The following AJAP1 variants were observed in gnomAD, a reference collection of about 807,000 sequenced individuals.
The protein encoded by AJAP1 is adherens junctions associated protein 1, also known as adherens junction-associated protein 1.
In AJAP1, 5 loss-of-function variants were observed where a neutral mutation model predicts 35.0. That is an observed-to-expected ratio of 0.14 (90% CI 0.07 to 0.30). The LOEUF (loss-of-function observed/expected upper bound fraction) is 0.30. AJAP1 is among the 10% of genes least tolerant of loss of function. The pLI, the probability that AJAP1 is intolerant of heterozygous loss-of-function variation, is 1.00. For synonymous variants in AJAP1, 284 were observed against 249.3 expected (o/e 1.14, Z -1.31); for missense variants, 586 against 571.0 (o/e 1.03, Z -0.27).
chr1:4,701,890 C>G (rs1639996866), intron 1 of AJAP1, among the ~76,000 whole-genome samples: 1 of 152,212 alleles, frequency 6.6e-6, no homozygotes. Flanking sequence ...ATGTCCCTCC[C>G]CACAGGGCAC....
At chr1:4,710,189 C>T (rs1640197503) in intron 1 of AJAP1, among the ~76,000 whole-genome samples, 1 of 152,098 alleles carries the variant, frequency 6.6e-6, no homozygotes, top group African/African-American at 2.4e-5. Flanking sequence ...CACAGGAACG[C>T]ACAGATACAC....
intron 2 of AJAP1, among the ~76,000 whole-genome samples, chr1:4,738,225 C>T (rs1235517530): frequency 6.6e-6 from 1 of 152,254 alleles, no homozygotes; most frequent in Non-Finnish European, 1.5e-5. Flanking sequence ...GCATGATCAA[C>T]ACAACAGGGG....
intron 1 of AJAP1, among the ~76,000 whole-genome samples, chr1:4,689,241 C>T (rs1375668035): frequency 3.3e-5 from 5 of 152,218 alleles, no homozygotes; most frequent in Admixed American, 1.3e-4. Context: ...TAAATCAGAA[C>T]GACGCGCCTG....
At chr1:4,741,442 C>T (rs1055052108) in intron 2 of AJAP1, among the ~76,000 whole-genome samples, 1 of 152,186 alleles carries the variant, frequency 6.6e-6, no homozygotes, top group African/African-American at 2.4e-5. Context: ...CTCTCTTTCC[C>T]TACGGCCCTG....
chr1:4,721,787 A>G (rs1258812212), intron 2 of AJAP1, among the ~76,000 whole-genome samples: 1 of 152,206 alleles, frequency 6.6e-6, no homozygotes, highest in African/African-American at 2.4e-5. Context: ...GGATTTTGTG[A>G]CACTCCCTTT....
rs761315790 is a variant in AJAP1 at position 4,782,683 on chromosome 1, G to A, written c.*198G>A. 5.8e-5 allele frequency: 23 copies of A among 398,368 alleles called. No individual in the cohort carries two copies. The highest frequency in any genetic ancestry group is 2.6e-4 in the South Asian group (2 of 7,792). The allele number at this position is 398,368 out of a possible 1,614,324, so 24.7% of individuals were successfully genotyped here. A position where few individuals can be genotyped will look rare whatever the true frequency, so the allele number is the denominator to read the frequency against. On this transcript the variant is annotated 3_prime_UTR_variant, in exon 6 of 6. Coordinates refer to ENST00000378191, the MANE Select transcript of AJAP1 (RefSeq NM_018836.4). The surrounding 1 kb of genome is among the most constrained non-coding windows in gnomAD (Gnocchi z 5.3). ...CGGTGGGAAACTCACAGAGCAGGAC[G>A]CTCTAGGCCAAATCTATTTTTGTAA...
At chr1:4,679,380 TGATGAATG>T (rs2100526047) in intron 1 of AJAP1, among the ~76,000 whole-genome samples, 1 of 150,212 alleles carries the variant, frequency 6.7e-6, no homozygotes, top group Admixed American at 6.6e-5. Flanking sequence ...AATATCTGAG[TGATGAATG>T]AATGAATGAA....
chr1:4,655,527 C>G lies in AJAP1; in HGVS notation c.29+73C>G, dbSNP rs1450408035. On this transcript the variant is annotated intron_variant, in intron 1 of 5. Transcript: ENST00000378191. This position sits in a 1 kb window ranked among gnomAD's most constrained non-coding sequence, Gnocchi z 6.9. ...GGCTGGGCGGAAGCGGCGCTTTCCT[C>G]TATGTTGCAAATCAAGGGACCCCTC... is the stretch of plus-strand genomic sequence containing the variant. 14 of 1,517,942 alleles carry G rather than the reference C, an allele frequency of 9.2e-6. No homozygotes were observed. The highest frequency in any genetic ancestry group is 1.2e-5 in the Non-Finnish European group (13 of 1,122,296). 94.0% of individuals were successfully genotyped at this position (1,517,942 alleles called of 1,614,324 possible). A position where few individuals can be genotyped will look rare whatever the true frequency, so the allele number is the denominator to read the frequency against.
rs1369952179 is a variant in AJAP1, at chr1:4,790,630, C to T, written c.*8145C>T. The T allele has an allele frequency of 1.3e-5, 2 of 152,244 alleles. No homozygotes were observed. The highest frequency in any genetic ancestry group is 3.2e-3 in the Middle Eastern group (1 of 316). The allele number at this position is 152,244 out of a possible 1,614,324, so 9.4% of individuals were successfully genotyped here. A position where few individuals can be genotyped will look rare whatever the true frequency, so the allele number is the denominator to read the frequency against. ...TTTTTCACTAGCGTTTGCGTTGCTT[C>T]CTCTGAAGCCAGAGGGTGAAAGGCC... is the stretch of plus-strand genomic sequence containing the variant. On this transcript the variant is annotated 3_prime_UTR_variant, in exon 6 of 6. Transcript: ENST00000378191.
intron 1 of AJAP1, among the ~76,000 whole-genome samples, chr1:4,675,004 G>C (rs1639333440): frequency 6.6e-6 from 1 of 152,230 alleles, no homozygotes; most frequent in Admixed American, 6.5e-5. Context: ...CTGCAGGCTT[G>C]AGAATGCTGT....
rs551554747 is a variant in AJAP1 at position 4,730,770 on chromosome 1, G to C, written c.829+18071G>C. On this transcript the variant is annotated intron_variant, in intron 2 of 5. Coordinates refer to ENST00000378191, the MANE Select transcript of AJAP1 (RefSeq NM_018836.4). Reference sequence around the variant, plus strand: ...CAGCATTTCTTGAGCTGTGAGTGCAGCCTGGAGTTGGATACCCAGAGGGAC... The same window carrying C: ...CAGCATTTCTTGAGCTGTGAGTGCACCCTGGAGTTGGATACCCAGAGGGAC... Among the ~76,000 whole-genome samples, 150 of 152,276 alleles carry C rather than the reference G, an allele frequency of 9.9e-4. 4 individuals carry two copies. In the South Asian group the frequency reaches 0.031, roughly 31 times the overall value.
At chr1:4,754,435 A>G (rs1017496963) in intron 2 of AJAP1, among the ~76,000 whole-genome samples, 1 of 152,140 alleles carries the variant, frequency 6.6e-6, no homozygotes, top group African/African-American at 2.4e-5. Context: ...CCTTCTGGCT[A>G]CCCACTAGGT....
chr1:4,787,467 G>A lies in AJAP1; in HGVS notation c.*4982G>A. ...CTGCTTGAGGGTTGGTCTGGTGTTG[G>A]ATGGAGGAAGAAGGCCTTAGTCTTA... On this transcript the variant is annotated 3_prime_UTR_variant, in exon 6 of 6. Coordinates refer to ENST00000378191, the MANE Select transcript of AJAP1 (RefSeq NM_018836.4). 1 of 298,864 alleles carries A rather than the reference G, an allele frequency of 3.3e-6. No homozygotes were observed. The highest frequency in any genetic ancestry group is 2.5e-5 in the South Asian group (1 of 39,316). The allele number at this position is 298,864 out of a possible 1,614,324, so 18.5% of individuals were successfully genotyped here. A position where few individuals can be genotyped will look rare whatever the true frequency, so the allele number is the denominator to read the frequency against.
intron 1 of AJAP1, among the ~76,000 whole-genome samples, chr1:4,672,101 G>T (rs1283335922): frequency 1.3e-5 from 2 of 152,214 alleles, no homozygotes; most frequent in Non-Finnish European, 2.9e-5. Context: ...TAAGGAGGCT[G>T]CTGTCTCCCC....
intron 1 of AJAP1, among the ~76,000 whole-genome samples, chr1:4,705,150 T>C (rs1640072289): frequency 6.6e-6 from 1 of 152,160 alleles, no homozygotes; most frequent in Non-Finnish European, 1.5e-5. Context: ...GTGCAGAAGC[T>C]CTTTAGTTTA....
intron 1 of AJAP1, among the ~76,000 whole-genome samples, chr1:4,663,089 T>A (rs1639038958): frequency 1.3e-5 from 2 of 152,206 alleles, no homozygotes; most frequent in Non-Finnish European, 2.9e-5. Flanking sequence ...GAAACCATCC[T>A]CATGGAGCAT....
chr1:4,718,873 G>T (rs1290815346), intron 2 of AJAP1, among the ~76,000 whole-genome samples: 1 of 152,086 alleles, frequency 6.6e-6, no homozygotes, highest in African/African-American at 2.4e-5. Flanking sequence ...GACCTGTTCA[G>T]GAGTTTCCAG....
Position 4,782,032 on chromosome 1 carries a change from G to A in AJAP1, c.*60-513G>A, listed in dbSNP as rs999458859. Among the ~76,000 whole-genome samples, 2 of 152,150 alleles carry A rather than the reference G, an allele frequency of 1.3e-5. No homozygotes were observed. The highest frequency in any genetic ancestry group is 3.9e-4 in the East Asian group (2 of 5,184). On this transcript the variant is annotated intron_variant, in intron 5 of 5. Coordinates refer to ENST00000378191, the MANE Select transcript of AJAP1 (RefSeq NM_018836.4). This position sits in a 1 kb window ranked among gnomAD's most constrained non-coding sequence, Gnocchi z 5.3. Reference sequence around the variant, plus strand: ...CTGATGCAGTCCATTTATCTCTCCCGAATTCTGGCCTCGGGGATCCTGCAG... The same window carrying A: ...CTGATGCAGTCCATTTATCTCTCCCAAATTCTGGCCTCGGGGATCCTGCAG...
In AJAP1 at chr1:4,712,074, T is replaced by A; in HGVS notation, c.204T>A (p.Ser68Arg). 1.3e-6 allele frequency: 2 copies of A among 1,574,718 alleles called. No individual in the cohort carries two copies. Among genetic ancestry groups the A allele is most frequent in the Non-Finnish European group, 1.7e-6 (2 of 1,165,068 alleles). ...CGCCCCGGCTGTGGAGTTTTAGGAG[T>A]GGACAGCCAGCGCGGGTCCCGGCCC... ...PRPPRLWSFR[S>R]GQPARVPAPV... Residue 68 changes from serine to arginine, a missense_variant, in exon 2 of 6, where the codon AGT becomes AGA. Coordinates refer to ENST00000378191, the MANE Select transcript of AJAP1 (RefSeq NM_018836.4).
Sources: gnomAD v4.1 joint callset for allele counts (sites outside exome capture counted in the v4.1 genomes callset) on GRCh38, gnomAD v4.1.1 for gene constraint, Gnocchi (gnomAD v3.1) non-coding constraint, MANE v1.5 for transcripts, NCBI Gene and HGNC (gene_info 2026-07-23, HGNC 2026-07-21) for gene names.